Variants in PDSS1 observed in about 807,000 individuals in gnomAD.
PDSS1 encodes decaprenyl diphosphate synthase subunit 1.
In PDSS1, 43 loss-of-function variants were observed where a neutral mutation model predicts 57.5. The observed-to-expected ratio is 0.75, with a 90% CI of 0.59 to 0.96. The LOEUF (loss-of-function observed/expected upper bound fraction) is 0.96, where lower values mean the gene tolerates loss of function less well. Among genes scored for constraint, PDSS1 ranks in the 50% least tolerant of loss-of-function variants. PDSS1 has a pLI of 0.00. For synonymous variants in PDSS1, 175 were observed against 191.3 expected (o/e 0.91, Z 0.70); for missense variants, 438 against 527.8 (o/e 0.83, Z 1.67).
intron 11 of PDSS1, among the ~76,000 whole-genome samples, chr10:26,745,224 T>C (rs564960508): frequency 2.0e-5 from 3 of 152,208 alleles, no homozygotes; most frequent in Admixed American, 1.3e-4. Context: ...GAGAAGGAAA[T>C]AGAATTATAG....
At chr10:26,717,311 A>G (rs1835618764) in intron 5 of PDSS1, among the ~76,000 whole-genome samples, 1 of 152,116 alleles carries the variant, frequency 6.6e-6, no homozygotes, top group Non-Finnish European at 1.5e-5. Flanking sequence ...AGCTCACTGC[A>G]ACCTCCACCT....
Position 26,723,809 on chromosome 10 carries a change from G to C in PDSS1, c.613G>C (p.Val205Leu). 1 of 1,606,300 alleles carries C rather than the reference G, an allele frequency of 6.2e-7. No individual in the cohort carries two copies. The highest frequency in any genetic ancestry group is 8.5e-7 in the Non-Finnish European group (1 of 1,172,896). Residue 205 changes from valine (V) to leucine (L), a missense_variant, in exon 7 of 12, where the codon GTT becomes CTT. Around this residue, in one of 2 missense-constraint regions of PDSS1, gnomAD observed 284 missense variants for 390.7 expected, o/e 0.73. Coordinates refer to ENST00000376215, the MANE Select transcript of PDSS1 (RefSeq NM_014317.5). ...VNKIWGEKKA[V>L]LAGDLILSAA... ...TTTTCCCCCTGTCTTTTTCTAGGCT[G>C]TTCTTGCTGGAGATTTAATTCTTTC...
chr10:26,709,581 G>C, intron 4 of PDSS1, 57 bp from the exon 5 acceptor site: 2 of 1,562,522 alleles, frequency 1.3e-6, no homozygotes, highest in East Asian at 2.3e-5. Context: ...AAGAAATCCT[G>C]TTGGCTTTCT....
chr10:26,714,064 C>G (rs1835480225), intron 5 of PDSS1, among the ~76,000 whole-genome samples: 1 of 152,160 alleles, frequency 6.6e-6, no homozygotes, highest in African/African-American at 2.4e-5. Context: ...AGGGATAATC[C>G]CGAATAAACA....
chr10:26,730,317 T>G (rs1294945983), intron 8 of PDSS1, among the ~76,000 whole-genome samples: 1 of 152,114 alleles, frequency 6.6e-6, no homozygotes, highest in South Asian at 2.1e-4. Context: ...TTTGAATGTT[T>G]GAAACAACGT....
chr10:26,726,391 G>A (rs1202664686), intron 8 of PDSS1, among the ~76,000 whole-genome samples: 2 of 152,212 alleles, frequency 1.3e-5, no homozygotes, highest in African/African-American at 4.8e-5. Flanking sequence ...GATAGTGTGA[G>A]CTATTTGAAT....
chr10:26,718,842 A>T (rs1237697276), intron 5 of PDSS1: 1 of 151,190 alleles, frequency 6.6e-6, no homozygotes, highest in Non-Finnish European at 1.5e-5. Context: ...TCTAGGGTTT[A>T]GTTCTAAGGC....
At chr10:26,719,658 C>T (rs12262215) in intron 5 of PDSS1, among the ~76,000 whole-genome samples, 3,183 of 152,204 alleles carry the variant, frequency 0.021, 109 homozygotes, top group African/African-American at 0.072. Flanking sequence ...GTCCCAGCTA[C>T]TCATGGAGGC....
At chr10:26,725,190 A>G (rs1430805406) in intron 8 of PDSS1, among the ~76,000 whole-genome samples, 1 of 152,240 alleles carries the variant, frequency 6.6e-6, no homozygotes, top group Non-Finnish European at 1.5e-5. Context: ...CCATGTAATT[A>G]CAGCCACAAA....
In PDSS1 at chr10:26,746,489, T is replaced by C. The variant is rs778047720; in HGVS notation, c.*16T>C. The stretch of plus-strand genomic sequence containing the variant: ...AGATAAATGACAACTCTTTCTGTTC[T>C]TTCTGGCAGCTATCTTACCAGACTG... On this transcript the variant is annotated 3_prime_UTR_variant, in exon 12 of 12. Transcript: ENST00000376215. 1 of 1,613,920 alleles carries C rather than the reference T, an allele frequency of 6.2e-7. No homozygotes were observed. The highest frequency in any genetic ancestry group is 1.7e-5 in the Admixed American group (1 of 60,032).
chr10:26,724,024 T>C lies in PDSS1; in HGVS notation c.732T>C (p.Leu244=), dbSNP rs893124051. 14 of 1,613,846 alleles carry C rather than the reference T, an allele frequency of 8.7e-6. No individual in the cohort carries two copies. The highest frequency in any genetic ancestry group is 1.2e-5 in the Non-Finnish European group (14 of 1,179,720). ...TTTCCTTCTTTATAGGTGAATTTCT[T>C]CAGCTCGGGTCAAAAGAAAATGAGA... ...VIEDLVRGEF[L]QLGSKENENE... is the part of the protein sequence containing the mutation. The change falls in exon 8 of 12, where the codon CTT becomes CTC. Residue 244 remains leucine, a synonymous_variant. Transcript: ENST00000376215.
intron 6 of PDSS1, 38 bp from the exon 7 acceptor site, chr10:26,723,768 T>A: frequency 1.4e-6 from 2 of 1,419,466 alleles, no homozygotes; most frequent in Non-Finnish European, 1.0e-6. Context: ...TCTGATGGAT[T>A]TTTCAGAACG....
chr10:26,742,543 G>C lies in PDSS1; in HGVS notation c.1073G>C (p.Gly358Ala). 1 of 1,612,696 alleles carries C rather than the reference G, an allele frequency of 6.2e-7. No homozygotes were observed. Among genetic ancestry groups the C allele is most frequent in the Non-Finnish European group, 8.5e-7 (1 of 1,179,132 alleles). ...AMIMRRFSLP[G>A]DVDRARQYVL... ...ATCATGCGACGGTTCAGTTTGCCTGGAGATGTAGACAGAGCTCGACAGTAT... is the reference window on the plus strand; with the variant it reads ...ATCATGCGACGGTTCAGTTTGCCTGCAGATGTAGACAGAGCTCGACAGTAT... Residue 358 changes from glycine (G) to alanine (A), a missense_variant, in exon 11 of 12, where the codon GGA becomes GCA. Gly to Ala is a moderately conservative substitution (Grantham distance 60). Coordinates refer to ENST00000376215, the MANE Select transcript of PDSS1 (RefSeq NM_014317.5).
intron 8 of PDSS1, among the ~76,000 whole-genome samples, chr10:26,724,575 T>C (rs1835893004): frequency 6.6e-6 from 1 of 152,136 alleles, no homozygotes; most frequent in South Asian, 2.1e-4. Flanking sequence ...TTTTGTTTTT[T>C]TGTTTTTTGT....
chr10:26,742,752 TTTCTC>T (rs1164578816), intron 11 of PDSS1, among the ~76,000 whole-genome samples, 175 bp downstream of exon 11: 1 of 152,250 alleles, frequency 6.6e-6, no homozygotes, highest in East Asian at 1.9e-4. Context: ...TTTATTTTCA[TTTCTC>T]TTCTAGACTA....
intron 10 of PDSS1, among the ~76,000 whole-genome samples, chr10:26,741,416 G>C (rs1323251498): frequency 1.3e-5 from 2 of 152,130 alleles, no homozygotes; most frequent in African/African-American, 2.4e-5. Flanking sequence ...CCGGGAGGCA[G>C]AGGTTGTGGT....
intron 5 of PDSS1, chr10:26,715,409 T>C (rs1835534648): frequency 6.6e-6 from 1 of 150,448 alleles, no homozygotes; most frequent in Non-Finnish European, 1.5e-5. Context: ...TCCTATACTT[T>C]TTTTTTTTTT....
In PDSS1 at chr10:26,707,713, G is replaced by A. The variant is rs956315779; in HGVS notation, c.337-1925G>A. 2.6e-5 allele frequency among the ~76,000 whole-genome samples: 4 copies of A among 151,990 alleles called. No homozygotes were observed. In the East Asian group the frequency reaches 7.7e-4, roughly 29 times the overall value. On this transcript the variant is annotated intron_variant, in intron 4 of 11. Transcript: ENST00000376215. ...CTTATATATCTGTGTCCATACTTAC[G>A]TCTCTCAAATAATATCACTACTCCA...
At chr10:26,732,679 A>G (rs910838859) in intron 8 of PDSS1, among the ~76,000 whole-genome samples, 1 of 152,256 alleles carries the variant, frequency 6.6e-6, no homozygotes, top group Non-Finnish European at 1.5e-5. Context: ...AACAGTGCCT[A>G]GCACATAGTG....
Sources: gnomAD v4.1 joint callset for allele counts (sites outside exome capture counted in the v4.1 genomes callset) on GRCh38, gnomAD v4.1.1 for gene constraint, gnomAD v4.1.1 regional missense constraint, MANE v1.5 for transcripts, NCBI Gene and HGNC (gene_info 2026-07-23, HGNC 2026-07-21) for gene names.